The following MAST4 variants were observed in gnomAD, a reference collection of about 807,000 sequenced individuals.
The protein encoded by MAST4 is microtubule associated serine/threonine kinase family member 4.
MAST4 carries 89 observed loss-of-function variants against 162.7 expected under a neutral mutation model. That is an observed-to-expected ratio of 0.55 (90% CI 0.46 to 0.65). The LOEUF (loss-of-function observed/expected upper bound fraction) is 0.65, where lower values mean the gene tolerates loss of function less well. Among genes scored for constraint, MAST4 ranks in the 30% least tolerant of loss-of-function variants. MAST4 has a pLI of 0.00. For missense variants in MAST4, 3,153 were observed against 3,374.0 expected (o/e 0.93, Z 1.62); for synonymous variants, 1,479 against 1,361.1 (o/e 1.09, Z -1.91).
intron 7 of MAST4, among the ~76,000 whole-genome samples, chr5:67,099,311 A>AT (rs1561650102): frequency 6.6e-6 from 1 of 151,882 alleles, no homozygotes. Flanking sequence ...TAGTGCTCTC[A>AT]TTTTTTTATT....
At chr5:66,888,084 T>C (rs1255169786) in intron 3 of MAST4, among the ~76,000 whole-genome samples, 1 of 151,652 alleles carries the variant, frequency 6.6e-6, no homozygotes, top group Non-Finnish European at 1.5e-5. Flanking sequence ...TTGGAGAAAA[T>C]ACTTTAAAAA....
chr5:66,710,588 T>TG (rs1561278671), intron 1 of MAST4, among the ~76,000 whole-genome samples: 1 of 152,194 alleles, frequency 6.6e-6, no homozygotes, highest in African/African-American at 2.4e-5. Context: ...GCTGATTTTT[T>TG]GGGGGAAAAA....
At chr5:67,070,830 T>C (rs1422580755) in intron 5 of MAST4, among the ~76,000 whole-genome samples, 2 of 152,242 alleles carry the variant, frequency 1.3e-5, no homozygotes, top group Admixed American at 1.3e-4. Flanking sequence ...CTGCATACCC[T>C]GACATCAGAG....
At chr5:66,630,302 C>T (rs1259140226) in intron 1 of MAST4, among the ~76,000 whole-genome samples, 1 of 152,194 alleles carries the variant, frequency 6.6e-6, no homozygotes, top group Non-Finnish European at 1.5e-5. Flanking sequence ...GTCTTTAAAA[C>T]TTGATCACTT....
intron 5 of MAST4, among the ~76,000 whole-genome samples, chr5:67,059,138 C>T (rs1387066314): frequency 6.6e-6 from 1 of 152,148 alleles, no homozygotes; most frequent in Non-Finnish European, 1.5e-5. Context: ...ACTGAGTTCC[C>T]CGCTTCACCC....
chr5:66,709,186 T>C (rs1163548689), intron 1 of MAST4, among the ~76,000 whole-genome samples: 1 of 152,148 alleles, frequency 6.6e-6, no homozygotes, highest in Non-Finnish European at 1.5e-5. Flanking sequence ...ATATTGCGGA[T>C]ACCACCTAGA....
At chr5:66,833,044 A>T (rs1275490268) in intron 3 of MAST4, among the ~76,000 whole-genome samples, 1 of 152,166 alleles carries the variant, frequency 6.6e-6, no homozygotes, top group Non-Finnish European at 1.5e-5. Context: ...CCTGATCCTT[A>T]GGGGATAAAA....
At chr5:66,932,461 A>G (rs1742287129) in intron 4 of MAST4, among the ~76,000 whole-genome samples, 1 of 152,236 alleles carries the variant, frequency 6.6e-6, no homozygotes, top group South Asian at 2.1e-4. Flanking sequence ...TTCAAGAAAT[A>G]ACAGTTTGTT....
intron 1 of MAST4, among the ~76,000 whole-genome samples, chr5:66,701,065 G>A (rs1749747041): frequency 6.6e-6 from 1 of 151,970 alleles, no homozygotes; most frequent in African/African-American, 2.4e-5. Flanking sequence ...AATCATTAAT[G>A]TAATTAAGTA....
rs895157078 is a variant in MAST4, at chr5:67,162,851, A to C, written c.3967+63A>C. The C allele has an allele frequency of 4.0e-6, 6 of 1,482,694 alleles. No individual in the cohort carries two copies. The South Asian group carries it at 5.0e-5, about 12-fold the overall frequency. The allele number at this position is 1,482,694 out of a possible 1,614,324, so 91.8% of individuals were successfully genotyped here. The stretch of plus-strand genomic sequence containing the variant: ...GGAGGTAAAGTCATGTGAGGTCCCC[A>C]AAAAACATGAAGCTTGTTCCAGCTG... On this transcript the variant is annotated intron_variant, in intron 28 of 28. Transcript: ENST00000403625.
At chr5:66,798,291 A>T (rs1321556115) in intron 3 of MAST4, among the ~76,000 whole-genome samples, 2 of 152,144 alleles carry the variant, frequency 1.3e-5, no homozygotes, top group African/African-American at 4.8e-5. Flanking sequence ...TTTATTGTTC[A>T]GGGTACATCA....
chr5:66,955,213 G>GAAA (rs59269171), intron 4 of MAST4, among the ~76,000 whole-genome samples: 7,671 of 121,124 alleles, frequency 0.063, 701 homozygotes, highest in African/African-American at 0.21. Flanking sequence ...CCTTGTCTCA[G>GAAA]AAAAAAAAAA....
intron 4 of MAST4, among the ~76,000 whole-genome samples, chr5:66,966,012 A>G (rs1446459997): frequency 6.6e-6 from 1 of 152,204 alleles, no homozygotes; most frequent in Non-Finnish European, 1.5e-5. Context: ...TAAAATTTGC[A>G]GAGTTCTTTA....
At chr5:66,800,341 A>G (rs759353611) in intron 3 of MAST4, among the ~76,000 whole-genome samples, 1 of 152,222 alleles carries the variant, frequency 6.6e-6, no homozygotes, top group African/African-American at 2.4e-5. Context: ...GTGCAGATAC[A>G]TCATGGAATA....
chr5:67,148,636 G>A (rs1186703450), intron 23 of MAST4, among the ~76,000 whole-genome samples: 1 of 152,194 alleles, frequency 6.6e-6, no homozygotes, highest in African/African-American at 2.4e-5. Flanking sequence ...GTGGTTTAGA[G>A]GGGAGAGGAA....
intron 3 of MAST4, among the ~76,000 whole-genome samples, chr5:66,877,001 G>A (rs1761348744): frequency 2.0e-5 from 3 of 152,138 alleles, no homozygotes; most frequent in Admixed American, 2.0e-4. Context: ...ACCACATAAT[G>A]TACATTTCAT....
chr5:66,996,442 C>A (rs1439206102), intron 4 of MAST4, among the ~76,000 whole-genome samples: 1 of 151,612 alleles, frequency 6.6e-6, no homozygotes, highest in Non-Finnish European at 1.5e-5. Flanking sequence ...TTAAAAATAT[C>A]ATTGTTTTAG....
intron 2 of MAST4, among the ~76,000 whole-genome samples, chr5:66,773,082 A>G (rs553466884): frequency 3.6e-4 from 55 of 152,192 alleles, no homozygotes; most frequent in Non-Finnish European, 5.9e-4. Flanking sequence ...TTGGTGGCCA[A>G]TCAAAGCCAC....
intron 4 of MAST4, among the ~76,000 whole-genome samples, chr5:67,003,475 C>T (rs369305824): frequency 4.6e-5 from 7 of 152,216 alleles, no homozygotes; most frequent in Admixed American, 3.9e-4. Flanking sequence ...CTTACACCCC[C>T]TCTTCCTTCT....
Sources: allele counts gnomAD v4.1 joint callset (sites outside exome capture counted in the v4.1 genomes callset), GRCh38; gene constraint gnomAD v4.1.1; transcripts MANE v1.5; gene names NCBI Gene and HGNC (gene_info 2026-07-23, HGNC 2026-07-21).